Variants in ACTR10 observed in about 807,000 individuals in gnomAD.
The protein encoded by ACTR10 is actin-related protein 10.
In ACTR10, 43 loss-of-function variants were observed where a neutral mutation model predicts 56.2. The observed-to-expected ratio is 0.77, with a 90% CI of 0.60 to 0.99. The LOEUF is 0.99. ACTR10 is among the 50% of genes least tolerant of loss of function. The pLI, the probability that ACTR10 is intolerant of heterozygous loss-of-function variation, is 0.00. For synonymous variants in ACTR10, 170 were observed against 176.3 expected (o/e 0.96, Z 0.28); for missense variants, 466 against 507.8 (o/e 0.92, Z 0.79).
chr14:58,208,268 C>T lies in ACTR10; in HGVS notation c.233+250C>T, dbSNP rs74550561. Reference sequence around the variant, plus strand: ...ATAATTAAATTATTCTACATTCATACAGTGAAATACCATGCAGCTCTTTAA... The same window carrying T: ...ATAATTAAATTATTCTACATTCATATAGTGAAATACCATGCAGCTCTTTAA... On this transcript the variant is annotated intron_variant, in intron 3 of 12. Coordinates refer to ENST00000254286, the MANE Select transcript of ACTR10 (RefSeq NM_018477.3). Among the ~76,000 whole-genome samples, 550 of 152,142 alleles carry T rather than the reference C, an allele frequency of 3.6e-3. 7 individuals carry two copies. The highest frequency in any genetic ancestry group is 0.013 in the African/African-American group (532 of 41,504).
In ACTR10 at chr14:58,232,286, A is replaced by C; in HGVS notation, c.1072+19A>C. Reference sequence around the variant, plus strand: ...TTGGGAGGTAAGAATTTCACTTTTAAAATATAATGATTATATAGTATTTGG... The same window carrying C: ...TTGGGAGGTAAGAATTTCACTTTTACAATATAATGATTATATAGTATTTGG... On this transcript the variant is annotated intron_variant, in intron 12 of 12. Coordinates refer to ENST00000254286, the MANE Select transcript of ACTR10 (RefSeq NM_018477.3). 6.3e-7 allele frequency: 1 copy of C among 1,591,162 alleles called. No individual in the cohort carries two copies. Among genetic ancestry groups the C allele is most frequent in the Non-Finnish European group, 8.6e-7 (1 of 1,162,160 alleles).
At chr14:58,208,089 G>A in intron 3 of ACTR10, 71 bp downstream of exon 3, 1 of 1,345,462 alleles carries the variant, frequency 7.4e-7, no homozygotes, top group Non-Finnish European at 9.7e-7. Context: ...ATAATTGGTT[G>A]TGTTACAGCT....
At chr14:58,210,950 C>T (rs528802090) in intron 4 of ACTR10, 48 of 182,354 alleles carry the variant, frequency 2.6e-4, no homozygotes, top group Admixed American at 4.2e-4. Context: ...GCTGGGATTA[C>T]AGGCGTGAGC....
At position 58,215,217 on chromosome 14, in the gene ACTR10, T is replaced by C; in HGVS notation, c.531T>C (p.Thr177=). 6.3e-7 allele frequency: 1 copy of C among 1,594,868 alleles called. No individual in the cohort carries two copies. The highest frequency in any genetic ancestry group is 8.5e-7 in the Non-Finnish European group (1 of 1,171,156). Residue 177 remains threonine (T), a synonymous_variant, in exon 7 of 13, where the codon ACT becomes ACC. Transcript: ENST00000254286. ...GGKALHKELE[T]QLLEQCTVDT... ...TTTTTAATTTCAGAGAGTTGGAAAC[T>C]CAACTATTGGAACAATGTACTGTTG... is the stretch of plus-strand genomic sequence containing the variant.
At chr14:58,231,311 C>T (rs1889527966) in intron 11 of ACTR10, among the ~76,000 whole-genome samples, 1 of 152,098 alleles carries the variant, frequency 6.6e-6, no homozygotes, top group Non-Finnish European at 1.5e-5. Context: ...CTCGGCCTCC[C>T]AAAGGGCTGT....
At chr14:58,223,100 A>C (rs1465021817) in intron 8 of ACTR10, among the ~76,000 whole-genome samples, 1 of 152,096 alleles carries the variant, frequency 6.6e-6, no homozygotes, top group Non-Finnish European at 1.5e-5. Context: ...CACCTTAGTC[A>C]ATGAAAAAGG....
chr14:58,211,070 G>C, intron 4 of ACTR10: 2 of 393,518 alleles, frequency 5.1e-6, no homozygotes. Flanking sequence ...GAATGAAACA[G>C]TTGAGCTATT....
At position 58,201,880 on chromosome 14, in the gene ACTR10, G is replaced by T. The variant is rs540976066; in HGVS notation, c.78-975G>T. On this transcript the variant is annotated intron_variant, in intron 1 of 12. Coordinates refer to ENST00000254286, the MANE Select transcript of ACTR10 (RefSeq NM_018477.3). ...TTTAGCCGGCGGTAGTGTCGTGCCC[G>T]AAATCCTAGCACTTTGGGAGGCCAA... 2.6e-5 allele frequency among the ~76,000 whole-genome samples: 4 copies of T among 151,802 alleles called. 1 individual carries two copies. Among genetic ancestry groups the T allele is most frequent in the Non-Finnish European group, 5.9e-5 (4 of 67,974 alleles).
chr14:58,218,582 T>C (rs183694685), intron 7 of ACTR10, among the ~76,000 whole-genome samples: 1 of 152,062 alleles, frequency 6.6e-6, no homozygotes, highest in African/African-American at 2.4e-5. Context: ...ATGCTTTTTT[T>C]TAAAAATTAT....
At chr14:58,230,333 G>C in intron 10 of ACTR10, 66 bp from the exon 11 acceptor site, 1 of 809,100 alleles carries the variant, frequency 1.2e-6, no homozygotes, top group Non-Finnish European at 2.0e-6. Context: ...GGAAATAATG[G>C]TGTATTCTGT....
At position 58,200,255 on chromosome 14, in the gene ACTR10, AGAC is replaced by A; in HGVS notation, c.40_42del (p.Thr14del). The stretch of plus-strand genomic sequence containing the variant: ...GAGGGCCTGGGGAGCGGCGGGGAGA[AGAC>A]GGCGGTCGTGATCGACCTGGGAGAG... On this transcript the variant is annotated inframe_deletion, in exon 1 of 13. Transcript: ENST00000254286. 1 of 1,515,088 alleles carries A rather than the reference AGAC, an allele frequency of 6.6e-7. No individual in the cohort carries two copies. Among genetic ancestry groups the A allele is most frequent in the Non-Finnish European group, 8.8e-7 (1 of 1,135,310 alleles). The allele number at this position is 1,515,088 out of a possible 1,614,324, so 93.9% of individuals were successfully genotyped here. A position where few individuals can be genotyped will look rare whatever the true frequency, so the allele number is the denominator to read the frequency against.
intron 10 of ACTR10, among the ~76,000 whole-genome samples, chr14:58,228,409 A>G (rs534181301): frequency 2.0e-4 from 31 of 152,262 alleles, no homozygotes; most frequent in African/African-American, 6.5e-4. Flanking sequence ...GCTTGAGGCC[A>G]GGAGTTCGAG....
chr14:58,201,938 G>T (rs1462732779), intron 1 of ACTR10, among the ~76,000 whole-genome samples: 1 of 151,212 alleles, frequency 6.6e-6, no homozygotes, highest in Non-Finnish European at 1.5e-5. Flanking sequence ...GGGAAGCGGA[G>T]GCTGCAGTGA....
At chr14:58,203,933 A>G (rs1325788699) in intron 2 of ACTR10, among the ~76,000 whole-genome samples, 10 of 152,196 alleles carry the variant, frequency 6.6e-5, no homozygotes. Context: ...AAAACAAAAC[A>G]GGCTTATGGG....
At chr14:58,201,091 A>C (rs1454324344) in intron 1 of ACTR10, among the ~76,000 whole-genome samples, 1 of 152,254 alleles carries the variant, frequency 6.6e-6, no homozygotes, top group Non-Finnish European at 1.5e-5. Flanking sequence ...GTATTTATGA[A>C]AATGAAACAT....
At chr14:58,222,872 A>G (rs1318427287) in intron 8 of ACTR10, among the ~76,000 whole-genome samples, 4 of 151,996 alleles carry the variant, frequency 2.6e-5, no homozygotes, top group Admixed American at 6.6e-5. Context: ...ATCTTTTCAC[A>G]ACAAGTTTCC....
intron 2 of ACTR10, among the ~76,000 whole-genome samples, chr14:58,204,544 C>G (rs1317363090): frequency 6.6e-6 from 1 of 152,136 alleles, no homozygotes; most frequent in Non-Finnish European, 1.5e-5. Flanking sequence ...GAGTGAGACC[C>G]TGTCTCAAAA....
intron 3 of ACTR10, among the ~76,000 whole-genome samples, chr14:58,208,529 G>A (rs1417985767): frequency 6.6e-6 from 1 of 151,952 alleles, no homozygotes; most frequent in Non-Finnish European, 1.5e-5. Flanking sequence ...TTGGAGCTTT[G>A]TGAGCATATA....
In ACTR10 at chr14:58,202,851, G is replaced by C; in HGVS notation, c.78-4G>C. ...AGTTGTTTCAATTTTCCATTTATTTGCAGGTGTGGATTTGCTGGAGAAACT... is the reference window on the plus strand; with the variant it reads ...AGTTGTTTCAATTTTCCATTTATTTCCAGGTGTGGATTTGCTGGAGAAACT... On this transcript the variant is annotated splice_polypyrimidine_tract_variant and splice_region_variant and intron_variant, in intron 1 of 12. Transcript: ENST00000254286. The C allele has an allele frequency of 6.3e-7, 1 of 1,585,116 alleles. No individual in the cohort carries two copies. The highest frequency in any genetic ancestry group is 8.6e-7 in the Non-Finnish European group (1 of 1,163,186).
Sources: gnomAD v4.1 joint callset for allele counts (sites outside exome capture counted in the v4.1 genomes callset) on GRCh38, gnomAD v4.1.1 for gene constraint, MANE v1.5 for transcripts, NCBI Gene and HGNC (gene_info 2026-07-23, HGNC 2026-07-21) for gene names.